ZBTB38: variants seen among roughly 807,000 people sequenced by gnomAD.
ZBTB38 encodes zinc finger and BTB domain-containing protein 38.
Under a neutral mutation model 76.8 loss-of-function variants are expected in ZBTB38, and 20 were observed. That is an observed-to-expected ratio of 0.26 (90% CI 0.18 to 0.38). The LOEUF is 0.38. Among genes scored for constraint, ZBTB38 ranks in the 10% least tolerant of loss-of-function variants. ZBTB38 has a pLI of 1.00. For missense variants in ZBTB38, 1,082 were observed against 1,482.3 expected (o/e 0.73, Z 4.43); for synonymous variants, 504 against 544.2 (o/e 0.93, Z 1.03).
chr3:141,378,911 C>T (rs1042621183), intron 2 of ZBTB38, among the ~76,000 whole-genome samples: 2 of 152,238 alleles, frequency 1.3e-5, no homozygotes, highest in East Asian at 1.9e-4. Flanking sequence ...CTTCTCGCCC[C>T]TGTGCAGTAA....
At chr3:141,434,076 T>G (rs576413406) in intron 5 of ZBTB38, 1 of 402,016 alleles carries the variant, frequency 2.5e-6, no homozygotes, top group African/African-American at 2.2e-5. Context: ...AGTACAAAGA[T>G]GAATCAGATT....
In ZBTB38 at chr3:141,446,615, C is replaced by T. The variant is rs914513761; in HGVS notation, c.*639C>T. 1 of 152,622 alleles carries T rather than the reference C, an allele frequency of 6.6e-6. No homozygotes were observed. The highest frequency in any genetic ancestry group is 1.5e-5 in the Non-Finnish European group (1 of 68,054). The allele number at this position is 152,622 out of a possible 1,614,324, so 9.5% of individuals were successfully genotyped here. Reference sequence around the variant, plus strand: ...ATAAATCACTATAACTTTTAACTGTCCATATCCCCTGTAGAGAATTATGAG... The same window carrying T: ...ATAAATCACTATAACTTTTAACTGTTCATATCCCCTGTAGAGAATTATGAG... On this transcript the variant is annotated 3_prime_UTR_variant, in exon 6 of 6. Coordinates refer to ENST00000321464, the MANE Select transcript of ZBTB38 (RefSeq NM_001376113.1).
chr3:141,411,069 AT>A (rs572724981), intron 5 of ZBTB38, among the ~76,000 whole-genome samples: 165 of 152,016 alleles, frequency 1.1e-3, no homozygotes, highest in Middle Eastern at 3.4e-3. Flanking sequence ...TATTTATGTT[AT>A]TTTTCCTGTT....
chr3:141,361,929 T>A lies in ZBTB38; in HGVS notation c.-738-6692T>A, dbSNP rs1283329090. Among the ~76,000 whole-genome samples, 5 of 152,232 alleles carry A rather than the reference T, an allele frequency of 3.3e-5. No homozygotes were observed. In the East Asian group the frequency reaches 7.7e-4, roughly 23 times the overall value. ...CAACACTGGTTTTTAAACATTTTTT[T>A]AAAACCCTGAACCACAATAGAAAAT... is the stretch of plus-strand genomic sequence containing the variant. On this transcript the variant is annotated intron_variant, in intron 1 of 7. Coordinates refer to the ZBTB38 transcript ENST00000509842.
In ZBTB38 at chr3:141,413,738, A is replaced by G. The variant is rs2073222158; in HGVS notation, c.-1+9707A>G. On this transcript the variant is annotated intron_variant, in intron 5 of 5. Coordinates refer to ENST00000321464, the MANE Select transcript of ZBTB38 (RefSeq NM_001376113.1). The surrounding 1 kb of genome is among the most constrained non-coding windows in gnomAD (Gnocchi z 4.1). The stretch of plus-strand genomic sequence containing the variant: ...TGCCTCTGATAGAAAATCTGATTTC[A>G]TGAAATGCTTATTAGGAGTTAAGTA... Among the ~76,000 whole-genome samples, 1 of 152,186 alleles carries G rather than the reference A, an allele frequency of 6.6e-6. No individual in the cohort carries two copies.
At chr3:141,333,871 C>T (rs1010619255) in intron 1 of ZBTB38, among the ~76,000 whole-genome samples, 1 of 152,200 alleles carries the variant, frequency 6.6e-6, no homozygotes, top group African/African-American at 2.4e-5. Context: ...TTCTCCCTCA[C>T]AGTGTGGATC....
intron 2 of ZBTB38, among the ~76,000 whole-genome samples, chr3:141,375,272 T>C (rs970486668): frequency 4.6e-5 from 7 of 152,202 alleles, no homozygotes; most frequent in Admixed American, 2.6e-4. Flanking sequence ...TAATGGTTCA[T>C]TTACTTCCTG....
chr3:141,393,446 T>C (rs1949477965), intron 4 of ZBTB38, among the ~76,000 whole-genome samples: 1 of 152,198 alleles, frequency 6.6e-6, no homozygotes, highest in Admixed American at 6.5e-5. Flanking sequence ...CCTTGTCATT[T>C]TTTTTTCCTT....
chr3:141,358,378 C>T (rs902137580), intron 1 of ZBTB38, among the ~76,000 whole-genome samples: 9 of 152,140 alleles, frequency 5.9e-5, no homozygotes, highest in African/African-American at 2.2e-4. Context: ...GGAAGCCTTG[C>T]GATCTGTCCA....
In ZBTB38 at chr3:141,446,077, T is replaced by G; in HGVS notation, c.*101T>G. On this transcript the variant is annotated 3_prime_UTR_variant, in exon 6 of 6. Transcript: ENST00000321464. Reference sequence around the variant, plus strand: ...TGTCCATGTGACAGTCATGAAGGAGTGAAATTAAAAAAAAAAAAAACTCAT... The same window carrying G: ...TGTCCATGTGACAGTCATGAAGGAGGGAAATTAAAAAAAAAAAAAACTCAT... 1 of 964,096 alleles carries G rather than the reference T, an allele frequency of 1.0e-6. No individual in the cohort carries two copies. Among genetic ancestry groups the G allele is most frequent in the Non-Finnish European group, 1.4e-6 (1 of 715,360 alleles). The allele number at this position is 964,096 out of a possible 1,614,324, so 59.7% of individuals were successfully genotyped here.
intron 5 of ZBTB38, among the ~76,000 whole-genome samples, chr3:141,420,551 G>T (rs548979170): frequency 1.3e-4 from 20 of 152,238 alleles, no homozygotes; most frequent in African/African-American, 4.8e-4. Flanking sequence ...CTTCCTACAG[G>T]GTCACATCCT....
chr3:141,345,217 C>T (rs192035509), intron 1 of ZBTB38, among the ~76,000 whole-genome samples: 2 of 151,712 alleles, frequency 1.3e-5, no homozygotes, highest in Admixed American at 1.3e-4. Context: ...TAGGAAGAAG[C>T]TCTAGTGGTT....
chr3:141,343,954 A>C (rs1169345573), intron 1 of ZBTB38, among the ~76,000 whole-genome samples: 1 of 152,192 alleles, frequency 6.6e-6, no homozygotes, highest in Non-Finnish European at 1.5e-5. Flanking sequence ...TAGAAGAGAG[A>C]AAACATTGAT....
rs751006397 is a variant in ZBTB38, at chr3:141,444,616, C to A, written c.2228C>A (p.Ala743Asp). ...GCCATGACCAGCAGCAACCACAGAG[C>A]CTTTTCAGACCCAGCTGTCAGTCAG... ...IAAMTSSNHR[A>D]FSDPAVSQSL... Residue 743 changes from alanine (A) to aspartate (D), a missense_variant, in exon 6 of 6, where the codon GCC (alanine) becomes GAC (aspartate). Ala to Asp is a moderately radical substitution (Grantham distance 126, BLOSUM62 -2). Transcript: ENST00000321464. This position sits in a 1 kb window ranked among gnomAD's most constrained non-coding sequence, Gnocchi z 5.1. 3 of 1,614,152 alleles carry A rather than the reference C, an allele frequency of 1.9e-6. No individual in the cohort carries two copies. Among genetic ancestry groups the A allele is most frequent in the Middle Eastern group, 1.6e-4 (1 of 6,062 alleles).
At chr3:141,426,860 C>G (rs2076496578) in intron 5 of ZBTB38, among the ~76,000 whole-genome samples, 1 of 152,140 alleles carries the variant, frequency 6.6e-6, no homozygotes, top group African/African-American at 2.4e-5. Context: ...TGTTCCAGAG[C>G]TGTGGTTCAG....
At chr3:141,434,209 A>ACAT in intron 5 of ZBTB38, 1 of 985,388 alleles carries the variant, frequency 1.0e-6, no homozygotes, top group Non-Finnish European at 1.2e-6. Context: ...TGCAGATAAG[A>ACAT]CATCAACTGA....
intron 4 of ZBTB38, among the ~76,000 whole-genome samples, chr3:141,397,034 G>A (rs1349004195): frequency 1.3e-5 from 2 of 152,206 alleles, no homozygotes; most frequent in African/African-American, 2.4e-5. Flanking sequence ...TTTGAAGCCA[G>A]GCATTGATTT....
intron 4 of ZBTB38, among the ~76,000 whole-genome samples, chr3:141,399,164 T>A (rs1489245146): frequency 6.6e-6 from 1 of 152,076 alleles, no homozygotes; most frequent in East Asian, 1.9e-4. Context: ...TTCATAGATT[T>A]TATATAAAAA....
At position 141,442,584 on chromosome 3, in the gene ZBTB38, A is replaced by G. The variant is rs2150969369; in HGVS notation, c.196A>G (p.Thr66Ala). 2 of 1,614,224 alleles carry G rather than the reference A, an allele frequency of 1.2e-6. No homozygotes were observed. The highest frequency in any genetic ancestry group is 1.7e-6 in the Non-Finnish European group (2 of 1,180,036). ...LYFKNIFWSH[T>A]ICISSHVLEL... is the part of the protein sequence containing the mutation. ...TTTTAAAAATATCTTTTGGAGCCAT[A>G]CAATCTGTATTTCCAGCCACGTCCT... The change falls in exon 6 of 6, where the codon ACA becomes GCA. Residue 66 changes from threonine to alanine, a missense_variant. By Grantham distance (58) the Thr-to-Ala change is moderately conservative. Transcript: ENST00000321464. This position sits in a 1 kb window ranked among gnomAD's most constrained non-coding sequence, Gnocchi z 6.4.
Sources: gnomAD v4.1 joint callset for allele counts (sites outside exome capture counted in the v4.1 genomes callset) on GRCh38, gnomAD v4.1.1 for gene constraint, Gnocchi (gnomAD v3.1) non-coding constraint, MANE v1.5 for transcripts, NCBI Gene and HGNC (gene_info 2026-07-23, HGNC 2026-07-21) for gene names.